The following NIBAN1 variants were observed in gnomAD, a reference collection of about 807,000 sequenced individuals.
The protein encoded by NIBAN1 is protein Niban 1.
Under a neutral mutation model 75.1 loss-of-function variants are expected in NIBAN1, and 81 were observed. That is an observed-to-expected ratio of 1.08 (90% CI 0.90 to 1.30). NIBAN1 has a LOEUF of 1.30. NIBAN1 is among the 50% of genes most tolerant of loss of function. NIBAN1 has a pLI of 0.00. For missense variants in NIBAN1, 1,133 were observed against 1,128.1 expected (o/e 1.00, Z -0.06); for synonymous variants, 436 against 424.8 (o/e 1.03, Z -0.32).
At chr1:184,808,659 C>T (rs1341404070) in intron 9 of NIBAN1, among the ~76,000 whole-genome samples, 1 of 152,168 alleles carries the variant, frequency 6.6e-6, no homozygotes, top group African/African-American at 2.4e-5. Flanking sequence ...GGTCAGGATG[C>T]TCCCTGGACT....
intron 1 of NIBAN1, among the ~76,000 whole-genome samples, chr1:184,902,758 A>G (rs1015683325): frequency 6.6e-6 from 1 of 152,216 alleles, no homozygotes; most frequent in Non-Finnish European, 1.5e-5. Flanking sequence ...ATCAACATTA[A>G]TGAACTGAAG....
chr1:184,829,884 T>C (rs1654949896), intron 6 of NIBAN1, among the ~76,000 whole-genome samples: 2 of 152,198 alleles, frequency 1.3e-5, no homozygotes, highest in African/African-American at 4.8e-5. Flanking sequence ...AAAATAAATG[T>C]GTAACTTAGT....
Position 184,794,650 on chromosome 1 carries a change from A to C in NIBAN1, c.*327T>G, listed in dbSNP as rs1031889766. ...TGCACAATTGAAAAGTGCAGAGTAT[A>C]CTCAAAACTGTCATCCTACTGTTTT... On this transcript the variant is annotated 3_prime_UTR_variant, in exon 14 of 14. Coordinates refer to ENST00000367511, the MANE Select transcript of NIBAN1 (RefSeq NM_052966.4). 2 of 428,382 alleles carry C rather than the reference A, an allele frequency of 4.7e-6. No homozygotes were observed. The highest frequency in any genetic ancestry group is 2.0e-5 in the African/African-American group (1 of 49,514). 26.5% of individuals were successfully genotyped at this position (428,382 alleles called of 1,614,324 possible).
At chr1:184,966,197 C>T (rs1658781011) in intron 1 of NIBAN1, among the ~76,000 whole-genome samples, 1 of 152,196 alleles carries the variant, frequency 6.6e-6, no homozygotes, top group Non-Finnish European at 1.5e-5. Context: ...TGGGCTGGCT[C>T]TGAGACCAGC....
chr1:184,905,207 C>A (rs1240258648), intron 1 of NIBAN1, among the ~76,000 whole-genome samples: 5 of 152,062 alleles, frequency 3.3e-5, no homozygotes, highest in East Asian at 1.9e-4. Flanking sequence ...AGCTGACCAC[C>A]TTGGTCCCAC....
intron 1 of NIBAN1, among the ~76,000 whole-genome samples, chr1:184,919,920 G>C (rs1657487557): frequency 6.6e-6 from 1 of 151,840 alleles, no homozygotes; most frequent in Non-Finnish European, 1.5e-5. Flanking sequence ...TCAGGGGCTG[G>C]GGGAGGGGGA....
chr1:184,930,306 G>A (rs1657785906), intron 1 of NIBAN1, among the ~76,000 whole-genome samples: 1 of 152,224 alleles, frequency 6.6e-6, no homozygotes, highest in Non-Finnish European at 1.5e-5. Context: ...ACAGCTGAGA[G>A]AAATGTTTGA....
chr1:184,867,311 A>T (rs976856681), intron 5 of NIBAN1, among the ~76,000 whole-genome samples: 1 of 152,154 alleles, frequency 6.6e-6, no homozygotes, highest in Non-Finnish European at 1.5e-5. Context: ...GCCAGGAAAA[A>T]TATCTCCCTC....
intron 6 of NIBAN1, among the ~76,000 whole-genome samples, chr1:184,824,967 T>G (rs1411874909): frequency 6.6e-6 from 1 of 152,204 alleles, no homozygotes; most frequent in Non-Finnish European, 1.5e-5. Flanking sequence ...ATTCATTATT[T>G]CTTCTTCTCC....
chr1:184,824,996 G>T (rs916628468), intron 6 of NIBAN1, among the ~76,000 whole-genome samples: 1 of 152,052 alleles, frequency 6.6e-6, no homozygotes, highest in Non-Finnish European at 1.5e-5. Flanking sequence ...CTTTAGTATG[G>T]TCTCAACTTC....
Position 184,794,114 on chromosome 1 carries a change from T to TA in NIBAN1, c.*862dup, listed in dbSNP as rs1472344667. On this transcript the variant is annotated 3_prime_UTR_variant, in exon 14 of 14. Transcript: ENST00000367511. Reference sequence around the variant, plus strand: ...ACAAGCACTTATCTTTTCTTTTTTTTATTACTAAGCCCAACACAGTGCGTG... The same window carrying TA: ...ACAAGCACTTATCTTTTCTTTTTTTTAATTACTAAGCCCAACACAGTGCGTG... The TA allele has an allele frequency of 6.6e-6, 1 of 152,210 alleles. No individual in the cohort carries two copies. The highest frequency in any genetic ancestry group is 6.5e-5 in the Admixed American group (1 of 15,276). 9.4% of individuals were successfully genotyped at this position (152,210 alleles called of 1,614,324 possible).
At chr1:184,933,266 C>T (rs1322967738) in intron 1 of NIBAN1, among the ~76,000 whole-genome samples, 1 of 152,218 alleles carries the variant, frequency 6.6e-6, no homozygotes, top group Admixed American at 6.5e-5. Flanking sequence ...CCTTTAAGGT[C>T]CATTCACTCA....
At chr1:184,798,516 A>G (rs527653106) in intron 12 of NIBAN1, among the ~76,000 whole-genome samples, 5 of 152,230 alleles carry the variant, frequency 3.3e-5, no homozygotes, top group Non-Finnish European at 7.4e-5. Context: ...AGAAGACAGC[A>G]GTGATTTTTT....
intron 11 of NIBAN1, among the ~76,000 whole-genome samples, chr1:184,805,134 T>A (rs946986714): frequency 5.3e-5 from 8 of 152,186 alleles, no homozygotes; most frequent in African/African-American, 1.9e-4. Context: ...GAGTTTCCTC[T>A]TGCCTGTGAG....
chr1:184,870,781 A>T (rs1476718812), intron 5 of NIBAN1, among the ~76,000 whole-genome samples: 2 of 152,200 alleles, frequency 1.3e-5, no homozygotes. Flanking sequence ...TCTATACCGT[A>T]ACCAACCCTC....
chr1:184,936,979 C>G (rs1657977141), intron 1 of NIBAN1, among the ~76,000 whole-genome samples: 1 of 152,082 alleles, frequency 6.6e-6, no homozygotes, highest in South Asian at 2.1e-4. Flanking sequence ...TGAAGTCACA[C>G]TACAAGACTC....
chr1:184,898,002 AT>A (rs929447345), intron 2 of NIBAN1, among the ~76,000 whole-genome samples: 12 of 152,134 alleles, frequency 7.9e-5, no homozygotes, highest in African/African-American at 1.9e-4. Flanking sequence ...ATCATCTAAA[AT>A]TATATGCCAC....
At chr1:184,878,654 T>C (rs897242252) in intron 5 of NIBAN1, among the ~76,000 whole-genome samples, 1 of 152,242 alleles carries the variant, frequency 6.6e-6, no homozygotes, top group Non-Finnish European at 1.5e-5. Context: ...TGCTTCACTC[T>C]GGATCATGCA....
At chr1:184,840,334 T>C (rs1205526842) in intron 5 of NIBAN1, among the ~76,000 whole-genome samples, 1 of 152,192 alleles carries the variant, frequency 6.6e-6, no homozygotes, top group Non-Finnish European at 1.5e-5. Context: ...TCTGTATTAG[T>C]GGACACAGCC....
Sources: gnomAD v4.1 joint callset for allele counts (sites outside exome capture counted in the v4.1 genomes callset) on GRCh38, gnomAD v4.1.1 for gene constraint, MANE v1.5 for transcripts, NCBI Gene and HGNC (gene_info 2026-07-23, HGNC 2026-07-21) for gene names.